The following PSMA3 variants were observed in gnomAD, a reference collection of about 807,000 sequenced individuals.
The protein encoded by PSMA3 is proteasome subunit alpha type-3.
PSMA3 carries 8 observed loss-of-function variants against 40.0 expected under a neutral mutation model. The observed-to-expected ratio is 0.20, with a 90% CI of 0.12 to 0.36. The LOEUF is 0.36. PSMA3 is among the 10% of genes least tolerant of loss of function. The pLI, the probability that PSMA3 is intolerant of heterozygous loss-of-function variation, is 1.00. For synonymous variants in PSMA3, 110 were observed against 100.0 expected (o/e 1.10, Z -0.59); for missense variants, 219 against 310.6 (o/e 0.70, Z 2.22).
Position 58,263,728 on chromosome 14 carries a change from C to T in PSMA3, c.501C>T (p.Gly167=). Residue 167 remains glycine (G), a synonymous_variant, in exon 7 of 11, where the codon GGC becomes GGT. Coordinates refer to ENST00000216455, the MANE Select transcript of PSMA3 (RefSeq NM_002788.4). The part of the protein sequence containing the change: ...VSYGYWGCAI[G]KARQAAKTEI... ...AGGGTTATTGGGGCTGTGCCATCGG[C>T]AAAGCCAGGCAAGCTGCAAAGACGG... is the stretch of plus-strand genomic sequence containing the variant. The T allele has an allele frequency of 6.2e-7, 1 of 1,613,668 alleles. No individual in the cohort carries two copies. The highest frequency in any genetic ancestry group is 8.5e-7 in the Non-Finnish European group (1 of 1,179,860).
At chr14:58,245,960 A>C (rs1889871145) in intron 1 of PSMA3, among the ~76,000 whole-genome samples, 1 of 152,248 alleles carries the variant, frequency 6.6e-6, no homozygotes, top group Admixed American at 6.5e-5. Flanking sequence ...TAAATCTTGT[A>C]GCAAACTGAC....
At position 58,271,886 on chromosome 14, in the gene PSMA3, T is replaced by C; in HGVS notation, c.759T>C (p.Asp253=). 1.9e-6 allele frequency: 3 copies of C among 1,589,752 alleles called. No individual in the cohort carries two copies. Among genetic ancestry groups the C allele is most frequent in the South Asian group, 1.1e-5 (1 of 90,344 alleles). ...SLKEEDESDD[D]NM ...AGGAAGAAGATGAATCAGATGATGATAATATGTAACATTTACTCCAGCATC... is the reference window on the plus strand; with the variant it reads ...AGGAAGAAGATGAATCAGATGATGACAATATGTAACATTTACTCCAGCATC... Residue 253 remains aspartate, a synonymous_variant, in exon 11 of 11, where the codon GAT becomes GAC. Transcript: ENST00000216455.
At chr14:58,246,020 A>G (rs1235050383) in intron 1 of PSMA3, among the ~76,000 whole-genome samples, 1 of 152,240 alleles carries the variant, frequency 6.6e-6, no homozygotes, top group African/African-American at 2.4e-5. Context: ...TCATTCTACA[A>G]ACCTTTTAAA....
intron 3 of PSMA3, among the ~76,000 whole-genome samples, chr14:58,253,616 T>C (rs1295358859): frequency 6.6e-6 from 1 of 152,170 alleles, no homozygotes; most frequent in Non-Finnish European, 1.5e-5. Context: ...TTTTTTGAGA[T>C]GGAGTCTCAC....
chr14:58,250,308 G>T (rs1042019264), intron 2 of PSMA3, among the ~76,000 whole-genome samples: 22 of 151,810 alleles, frequency 1.4e-4, no homozygotes, highest in Admixed American at 1.3e-3. Flanking sequence ...TTTCACTTGG[G>T]CCTTCCAAAG....
intron 7 of PSMA3, 88 bp downstream of exon 7, chr14:58,263,858 A>G (rs1890355762): frequency 8.3e-7 from 1 of 1,211,186 alleles, no homozygotes; most frequent in Admixed American, 1.8e-5. Context: ...TAAGGCAGGG[A>G]TGTCCAATCA....
chr14:58,253,321 C>G (rs1890056573), intron 3 of PSMA3, among the ~76,000 whole-genome samples: 1 of 152,082 alleles, frequency 6.6e-6, no homozygotes, highest in South Asian at 2.1e-4. Context: ...AAAACAGATG[C>G]ACAGCAAGTA....
At chr14:58,268,497 C>T (rs1890511014) in intron 8 of PSMA3, among the ~76,000 whole-genome samples, 2 of 152,128 alleles carry the variant, frequency 1.3e-5, no homozygotes, top group South Asian at 4.1e-4. Context: ...ACCTCCTCCC[C>T]TCCGCCCTCC....
chr14:58,255,731 T>C (rs2140085120), intron 3 of PSMA3, among the ~76,000 whole-genome samples: 1 of 152,270 alleles, frequency 6.6e-6, no homozygotes, highest in South Asian at 2.1e-4. Context: ...ATTGCACCAC[T>C]GTGCTCTAGC....
At chr14:58,259,020 C>T (rs751857037) in intron 5 of PSMA3, among the ~76,000 whole-genome samples, 36 of 152,266 alleles carry the variant, frequency 2.4e-4, no homozygotes, top group Non-Finnish European at 4.3e-4. Flanking sequence ...CAGCTTTGAC[C>T]TGGCTCAAGC....
chr14:58,255,813 G>T (rs768024881), intron 3 of PSMA3, among the ~76,000 whole-genome samples: 4 of 152,156 alleles, frequency 2.6e-5, no homozygotes, highest in African/African-American at 7.2e-5. Flanking sequence ...TCACTGCAGT[G>T]CCTGAGGACC....
At chr14:58,245,069 G>A in intron 1 of PSMA3, 128 bp downstream of exon 1, 2 of 1,239,228 alleles carry the variant, frequency 1.6e-6, no homozygotes, top group East Asian at 2.3e-5. Context: ...TGGGCCATTT[G>A]CAGCTGTTTG....
intron 8 of PSMA3, 192 bp from the exon 9 acceptor site, chr14:58,270,226 G>A: frequency 2.6e-6 from 2 of 760,648 alleles, no homozygotes. Context: ...CGGGAGAGTA[G>A]ATGTTTCATT....
At chr14:58,263,405 CAT>C (rs1305302658) in intron 6 of PSMA3, 9 of 198,452 alleles carry the variant, frequency 4.5e-5, no homozygotes, top group African/African-American at 2.1e-4. Flanking sequence ...TTTTCATTGT[CAT>C]AGTGCTAAAA....
rs1290553923 is a variant in PSMA3 at position 58,261,012 on chromosome 14, G to A, written c.469G>A (p.Val157Ile). The change falls in exon 6 of 11, where the codon GTT (valine) becomes ATT (isoleucine). Residue 157 changes from valine to isoleucine, a missense_variant. Transcript: ENST00000216455. ...AQLYMIDPSG[V>I]SYGYWGCAIG... ...ACTCTACATGATTGACCCATCAGGT[G>A]TTTCATACGTGAGTAATTTTGAATC... 8.7e-6 allele frequency: 14 copies of A among 1,601,370 alleles called. No individual in the cohort carries two copies. Among genetic ancestry groups the A allele is most frequent in the African/African-American group, 1.3e-5 (1 of 74,506 alleles).
intron 2 of PSMA3, among the ~76,000 whole-genome samples, chr14:58,249,304 C>A (rs951405357): frequency 6.6e-6 from 1 of 151,952 alleles, no homozygotes; most frequent in Non-Finnish European, 1.5e-5. Flanking sequence ...TCCTTTGATA[C>A]TACACCCAAA....
intron 3 of PSMA3, among the ~76,000 whole-genome samples, chr14:58,255,660 T>C (rs939665834): frequency 2.6e-5 from 4 of 152,108 alleles, no homozygotes; most frequent in Admixed American, 6.5e-5. Flanking sequence ...TCCCAGCTAC[T>C]CGGGAGGCTG....
chr14:58,246,377 C>G (rs948653355), intron 1 of PSMA3, among the ~76,000 whole-genome samples: 12 of 152,096 alleles, frequency 7.9e-5, no homozygotes, highest in Admixed American at 2.6e-4. Context: ...CTCCCAGAAC[C>G]AACGCTTTAG....
intron 3 of PSMA3, among the ~76,000 whole-genome samples, chr14:58,253,965 TTTGTTG>T (rs1038742817): frequency 1.3e-5 from 2 of 152,000 alleles, no homozygotes; most frequent in Non-Finnish European, 1.5e-5. Context: ...TTACTGTTTT[TTTGTTG>T]TTGTTGTTGT....
Sources: allele counts gnomAD v4.1 joint callset (sites outside exome capture counted in the v4.1 genomes callset), GRCh38; gene constraint gnomAD v4.1.1; transcripts MANE v1.5; gene names NCBI Gene and HGNC (gene_info 2026-07-23, HGNC 2026-07-21).